Variants in GRM3 observed in about 807,000 individuals in gnomAD.
The protein encoded by GRM3 is metabotropic glutamate receptor 3.
GRM3 carries 26 observed loss-of-function variants against 70.5 expected under a neutral mutation model. That is an observed-to-expected ratio of 0.37 (90% CI 0.27 to 0.51). The LOEUF is 0.51. GRM3 is among the 20% of genes least tolerant of loss of function. The pLI is 0.93. For synonymous variants in GRM3, 443 were observed against 434.9 expected (o/e 1.02, Z -0.23); for missense variants, 859 against 1,123.8 (o/e 0.76, Z 3.37).
At chr7:86,807,590 G>T (rs1479543748) in intron 3 of GRM3, among the ~76,000 whole-genome samples, 2 of 152,006 alleles carry the variant, frequency 1.3e-5, no homozygotes, top group African/African-American at 4.8e-5. Flanking sequence ...TTTGCACATT[G>T]ATTTTTTATC....
intron 1 of GRM3, among the ~76,000 whole-genome samples, chr7:86,744,660 C>G (rs1447466363): frequency 6.6e-6 from 1 of 151,970 alleles, no homozygotes; most frequent in Non-Finnish European, 1.5e-5. Context: ...AGAATAAACT[C>G]CTACTATATA....
At chr7:86,690,925 G>C (rs143061901) in intron 1 of GRM3, among the ~76,000 whole-genome samples, 1 of 152,172 alleles carries the variant, frequency 6.6e-6, no homozygotes, top group African/African-American at 2.4e-5. Context: ...GATTTGCCTG[G>C]TTGTTGCAAA....
chr7:86,699,322 A>C (rs1794898493), intron 1 of GRM3, among the ~76,000 whole-genome samples: 1 of 152,072 alleles, frequency 6.6e-6, no homozygotes, highest in Non-Finnish European at 1.5e-5. Flanking sequence ...ACCCCTTGTG[A>C]GTTATAAGTC....
chr7:86,706,096 T>G (rs896427293), intron 1 of GRM3, among the ~76,000 whole-genome samples: 1 of 135,468 alleles, frequency 7.4e-6, no homozygotes, highest in Admixed American at 7.2e-5. Context: ...TTTCTAATTC[T>G]AAGGATAAAT....
intron 2 of GRM3, among the ~76,000 whole-genome samples, chr7:86,785,434 A>G (rs1248070774): frequency 6.6e-6 from 1 of 152,134 alleles, no homozygotes; most frequent in Non-Finnish European, 1.5e-5. Flanking sequence ...AAAAATTTAA[A>G]TATTTGATTC....
chr7:86,796,447 G>C (rs1200202212), intron 3 of GRM3, among the ~76,000 whole-genome samples: 1 of 152,144 alleles, frequency 6.6e-6, no homozygotes, highest in Admixed American at 6.5e-5. Flanking sequence ...CCTGTACTAT[G>C]CTGTTTGGGT....
At chr7:86,716,880 T>A (rs560255436) in intron 1 of GRM3, among the ~76,000 whole-genome samples, 1 of 151,866 alleles carries the variant, frequency 6.6e-6, no homozygotes, top group Non-Finnish European at 1.5e-5. Context: ...TCAATGACTA[T>A]TTCAGATTTA....
chr7:86,769,703 G>C (rs903939053), intron 2 of GRM3, among the ~76,000 whole-genome samples: 2 of 152,156 alleles, frequency 1.3e-5, no homozygotes, highest in Non-Finnish European at 2.9e-5. Context: ...GGGTTAAGCT[G>C]TATCACCATT....
chr7:86,783,190 T>G (rs1039764020), intron 2 of GRM3, among the ~76,000 whole-genome samples: 7 of 152,218 alleles, frequency 4.6e-5, no homozygotes, highest in South Asian at 2.1e-4. Context: ...GGAAAGTTCC[T>G]GCTAACAGCA....
At chr7:86,649,417 G>T (rs1793553822) in intron 1 of GRM3, among the ~76,000 whole-genome samples, 1 of 152,078 alleles carries the variant, frequency 6.6e-6, no homozygotes, top group East Asian at 1.9e-4. Flanking sequence ...TTTAAGGAGA[G>T]AAATAAACTT....
rs1482421249 is a variant in GRM3 at position 86,758,972 on chromosome 7, A to T, written c.-140-6034A>T. On this transcript the variant is annotated intron_variant, in intron 1 of 5. Coordinates refer to ENST00000361669, the MANE Select transcript of GRM3 (RefSeq NM_000840.3). ...AAATAGGTTTATATAAGAGGGTCTT[A>T]TCAATTAATTCCCATGATTTGACCT... Among the ~76,000 whole-genome samples, 3 of 152,256 alleles carry T rather than the reference A, an allele frequency of 2.0e-5. No homozygotes were observed. The East Asian group carries it at 5.8e-4, about 29-fold the overall frequency.
intron 1 of GRM3, among the ~76,000 whole-genome samples, chr7:86,657,749 A>G (rs1439778610): frequency 6.6e-6 from 1 of 152,184 alleles, no homozygotes; most frequent in Non-Finnish European, 1.5e-5. Context: ...AGAGGTAATG[A>G]TGGCCTAAAC....
chr7:86,670,633 T>C (rs1794146725), intron 1 of GRM3, among the ~76,000 whole-genome samples: 1 of 152,214 alleles, frequency 6.6e-6, no homozygotes, highest in African/African-American at 2.4e-5. Context: ...TACTAGAGTC[T>C]GACTGATTTC....
At chr7:86,787,556 C>CAGAGAG (rs71117519) in intron 3 of GRM3, among the ~76,000 whole-genome samples, 27,722 of 149,910 alleles carry the variant, frequency 0.18, 2,639 homozygotes, top group Middle Eastern at 0.28. Context: ...CAGTGGGTGA[C>CAGAGAG]AGAGAGAGAG....
chr7:86,645,029 G>T, intron 1 of GRM3, 157 bp downstream of exon 1: 1 of 364,624 alleles, frequency 2.7e-6, no homozygotes, highest in Non-Finnish European at 5.4e-6. Context: ...GGAGGGCAGA[G>T]GCGATGTGGG....
At chr7:86,814,404 A>G (rs2116665444) in intron 3 of GRM3, among the ~76,000 whole-genome samples, 1 of 151,824 alleles carries the variant, frequency 6.6e-6, no homozygotes, top group South Asian at 2.1e-4. Context: ...AAGTCCCCAG[A>G]GTCCAGTGTA....
intron 1 of GRM3, among the ~76,000 whole-genome samples, chr7:86,728,289 TAAACC>T (rs1475521603): frequency 3.9e-5 from 6 of 152,108 alleles, no homozygotes; most frequent in Admixed American, 2.6e-4. Flanking sequence ...CTCCATCCTG[TAAACC>T]ACAGACTATC....
chr7:86,782,808 T>C (rs186640884), intron 2 of GRM3, among the ~76,000 whole-genome samples: 1 of 152,338 alleles, frequency 6.6e-6, no homozygotes, highest in Admixed American at 6.5e-5. Flanking sequence ...ATTATTTTTA[T>C]AGTCCTCCTG....
At chr7:86,774,516 C>A (rs1315694986) in intron 2 of GRM3, among the ~76,000 whole-genome samples, 6 of 152,070 alleles carry the variant, frequency 3.9e-5, no homozygotes, top group South Asian at 4.1e-4. Context: ...TTCTTGCCAA[C>A]ACTTTGGCTT....
Sources: allele counts gnomAD v4.1 joint callset (sites outside exome capture counted in the v4.1 genomes callset), GRCh38; gene constraint gnomAD v4.1.1; transcripts MANE v1.5; gene names NCBI Gene and HGNC (gene_info 2026-07-23, HGNC 2026-07-21).